The following KLHL2 variants were observed in gnomAD, a reference collection of about 807,000 sequenced individuals.
KLHL2 encodes kelch like family member 2, also known as kelch-like protein 2.
Under a neutral mutation model 75.8 loss-of-function variants are expected in KLHL2, and 15 were observed. That is an observed-to-expected ratio of 0.20 (90% CI 0.13 to 0.30). KLHL2 has a LOEUF of 0.30. Ranked by LOEUF, KLHL2 falls within the 10% of genes least tolerant of loss-of-function variation. The probability of loss-of-function intolerance (pLI) is 1.00; values close to 1 mark genes in which losing one functional copy is unlikely to be tolerated. For synonymous variants in KLHL2, 214 were observed against 251.9 expected (o/e 0.85, Z 1.42); for missense variants, 381 against 741.0 (o/e 0.51, Z 5.64).
intron 8 of KLHL2, 137 bp from the exon 9 acceptor site, chr4:165,305,471 G>A: frequency 1.5e-6 from 1 of 682,940 alleles, no homozygotes; most frequent in Non-Finnish European, 2.7e-6. Flanking sequence ...TTGGTTAGGT[G>A]GTTAGATGTT....
intron 4 of KLHL2, among the ~76,000 whole-genome samples, chr4:165,240,652 T>C (rs181244575): frequency 6.6e-6 from 1 of 152,348 alleles, no homozygotes; most frequent in East Asian, 1.9e-4. Context: ...TGCTAGATTC[T>C]GGGGCATTGT....
At chr4:165,226,561 G>T (rs936168876) in intron 2 of KLHL2, among the ~76,000 whole-genome samples, 4 of 151,716 alleles carry the variant, frequency 2.6e-5, no homozygotes, top group Admixed American at 1.3e-4. Flanking sequence ...TTTTCTGCTC[G>T]TCTTCTTAAG....
chr4:165,253,157 C>T (rs542955023), intron 4 of KLHL2, among the ~76,000 whole-genome samples: 56 of 152,258 alleles, frequency 3.7e-4, no homozygotes, highest in Non-Finnish European at 6.0e-4. Context: ...GCCCCAGCCT[C>T]CTGAGTAGTT....
intron 3 of KLHL2, among the ~76,000 whole-genome samples, chr4:165,230,501 TC>T (rs1169813784): frequency 3.9e-5 from 6 of 152,190 alleles, no homozygotes; most frequent in Non-Finnish European, 8.8e-5. Flanking sequence ...TCATCACCAT[TC>T]TTTTTTACTC....
chr4:165,251,097 A>T, intron 4 of KLHL2, among the ~76,000 whole-genome samples: 1 of 151,882 alleles, frequency 6.6e-6, no homozygotes, highest in African/African-American at 2.4e-5. Flanking sequence ...AGGGTTTGGC[A>T]GATGATGTGC....
chr4:165,318,128 A>G (rs943635538), intron 14 of KLHL2, among the ~76,000 whole-genome samples, 159 bp downstream of exon 14: 41 of 152,358 alleles, frequency 2.7e-4, no homozygotes, highest in African/African-American at 9.1e-4. Flanking sequence ...TATATTCTGA[A>G]ATAAAGCACC....
At chr4:165,234,504 C>A (rs190494073) in intron 3 of KLHL2, among the ~76,000 whole-genome samples, 3 of 151,124 alleles carry the variant, frequency 2.0e-5, no homozygotes, top group Admixed American at 2.0e-4. Flanking sequence ...CTTTTTAAAC[C>A]TATTCACTTT....
Position 165,297,687 on chromosome 4 carries a change from G to A in KLHL2, c.733G>A (p.Val245Ile), listed in dbSNP as rs1745020248. 4 of 1,613,716 alleles carry A rather than the reference G, an allele frequency of 2.5e-6. No homozygotes were observed. Among genetic ancestry groups the A allele is most frequent in the African/African-American group, 2.7e-5 (2 of 75,042 alleles). Reference protein sequence around the residue: ...QEFMARLMEHVRLPLLPREYL... With the variant: ...QEFMARLMEHIRLPLLPREYL... Reference sequence around the variant, plus strand: ...GTTTATGGCCCGACTGATGGAACATGTACGGTTACCTTTGCTTCCTCGGGA... The same window carrying A: ...GTTTATGGCCCGACTGATGGAACATATACGGTTACCTTTGCTTCCTCGGGA... The change falls in exon 7 of 15, where the codon GTA becomes ATA. Residue 245 changes from valine (V) to isoleucine (I), a missense_variant. Transcript: ENST00000226725.
intron 5 of KLHL2, among the ~76,000 whole-genome samples, chr4:165,292,238 A>ACT (rs1744571367): frequency 2.0e-5 from 3 of 152,168 alleles, no homozygotes; most frequent in Non-Finnish European, 4.4e-5. Context: ...TGAGTTTTAA[A>ACT]CAATTGTGTG....
At chr4:165,304,982 T>C (rs1398724850) in intron 8 of KLHL2, among the ~76,000 whole-genome samples, 17 of 152,218 alleles carry the variant, frequency 1.1e-4, no homozygotes, top group Admixed American at 1.0e-3. Context: ...AAGTAGACTT[T>C]TATGTATTTG....
intron 5 of KLHL2, among the ~76,000 whole-genome samples, chr4:165,264,731 T>TATATATATATATATATATATATAC (rs1742067341): frequency 1.2e-5 from 1 of 83,058 alleles, no homozygotes; most frequent in Non-Finnish European, 2.5e-5. Flanking sequence ...CATATATATA[T>TATATATATATATATATATATATAC]ATATATATGT....
rs534976903 is a variant in KLHL2 at position 165,278,408 on chromosome 4, C to T, written c.544+15049C>T. The T allele has an allele frequency of 2.3e-5, 32 of 1,384,736 alleles. No homozygotes were observed. In the Admixed American group the frequency reaches 3.2e-4, roughly 14 times the overall value. The allele number at this position is 1,384,736 out of a possible 1,614,324, so 85.8% of individuals were successfully genotyped here. A position where few individuals can be genotyped will look rare whatever the true frequency, so the allele number is the denominator to read the frequency against. ...ATGACTGAGTGGAATTCCACAGTCTCGATTCATGGCATCCAAAATCTCTCG... is the reference window on the plus strand; with the variant it reads ...ATGACTGAGTGGAATTCCACAGTCTTGATTCATGGCATCCAAAATCTCTCG... On this transcript the variant is annotated intron_variant, in intron 5 of 14. Coordinates refer to ENST00000226725, the MANE Select transcript of KLHL2 (RefSeq NM_007246.4).
At chr4:165,210,162 G>A (rs1180718375) in intron 1 of KLHL2, 18 of 1,551,584 alleles carry the variant, frequency 1.2e-5, no homozygotes, top group Middle Eastern at 1.7e-4. Context: ...TTGGAAGCAC[G>A]GCCCCAGATT....
chr4:165,216,991 A>G (rs983413635), intron 1 of KLHL2, among the ~76,000 whole-genome samples: 3 of 152,184 alleles, frequency 2.0e-5, no homozygotes, highest in Non-Finnish European at 4.4e-5. Context: ...CTTAAAGTGA[A>G]TTCTCCAATG....
intron 4 of KLHL2, among the ~76,000 whole-genome samples, chr4:165,256,667 C>T (rs1367141538): frequency 6.6e-6 from 1 of 152,196 alleles, no homozygotes; most frequent in Non-Finnish European, 1.5e-5. Flanking sequence ...TTGCTTCTCC[C>T]TGACTTTCTT....
intron 5 of KLHL2, among the ~76,000 whole-genome samples, chr4:165,269,135 C>T (rs1022433402): frequency 3.9e-5 from 6 of 152,070 alleles, no homozygotes; most frequent in Non-Finnish European, 5.9e-5. Context: ...ATTGCAACCC[C>T]TGCTTTTTTT....
intron 4 of KLHL2, among the ~76,000 whole-genome samples, chr4:165,255,434 C>G (rs28639890): frequency 1.3e-5 from 2 of 151,814 alleles, no homozygotes; most frequent in East Asian, 3.9e-4. Flanking sequence ...GTGGGACATA[C>G]CTATTCCTAG....
At chr4:165,247,652 C>T (rs1381793887) in intron 4 of KLHL2, among the ~76,000 whole-genome samples, 2 of 152,070 alleles carry the variant, frequency 1.3e-5, no homozygotes, top group African/African-American at 4.8e-5. Flanking sequence ...GTGTTGTTGT[C>T]AGATACAAGT....
intron 1 of KLHL2, among the ~76,000 whole-genome samples, chr4:165,211,164 T>A (rs1737176422): frequency 6.6e-6 from 1 of 152,148 alleles, no homozygotes; most frequent in Admixed American, 6.5e-5. Context: ...AACTGACCTG[T>A]AAAATTAAAA....
Sources: gnomAD v4.1 joint callset for allele counts (sites outside exome capture counted in the v4.1 genomes callset) on GRCh38, gnomAD v4.1.1 for gene constraint, MANE v1.5 for transcripts, NCBI Gene and HGNC (gene_info 2026-07-23, HGNC 2026-07-21) for gene names.